POC1B: variants seen among roughly 807,000 people sequenced by gnomAD.
POC1B encodes the protein POC1 centriolar protein homolog B.
A neutral mutation model predicts 60.6 loss-of-function variants in POC1B; 44 were observed. That is an observed-to-expected ratio of 0.73 (90% CI 0.57 to 0.93). POC1B has a LOEUF of 0.93. POC1B is among the 40% of genes least tolerant of loss of function. The pLI is 0.00. For synonymous variants in POC1B, 180 were observed against 198.9 expected, an observed-to-expected ratio of 0.90 and a Z score of 0.80; for missense variants, 555 against 572.3, an observed-to-expected ratio of 0.97 and a Z score of 0.31.
At chr12:89,511,375 C>T (rs1349447717) in intron 2 of POC1B, among the ~76,000 whole-genome samples, 1 of 149,994 alleles carries the variant, frequency 6.7e-6, no homozygotes, top group Non-Finnish European at 1.5e-5. Context: ...GAGATGGTGC[C>T]ACTGCACTCC....
At chr12:89,497,384 G>A (rs1476197292) in intron 2 of POC1B, 42 bp from the exon 3 acceptor site, 4 of 1,553,728 alleles carry the variant, frequency 2.6e-6, no homozygotes, top group Non-Finnish European at 3.5e-6. Context: ...TTGTTAAAAT[G>A]CAAACATAGG....
At chr12:89,432,293 G>A (rs1445593026) in intron 10 of POC1B, among the ~76,000 whole-genome samples, 1 of 148,766 alleles carries the variant, frequency 6.7e-6, no homozygotes, top group Non-Finnish European at 1.5e-5. Context: ...GGCTGAGGCA[G>A]GACAATCACT....
At chr12:89,524,665 G>C in intron 2 of POC1B, 3 of 1,108,088 alleles carry the variant, frequency 2.7e-6, no homozygotes, top group Non-Finnish European at 3.9e-6. Flanking sequence ...CTTTCATGCA[G>C]GCGCTAGGCT....
At chr12:89,497,472 C>A in intron 2 of POC1B, 130 bp from the exon 3 acceptor site, 2 of 863,942 alleles carry the variant, frequency 2.3e-6, no homozygotes, top group Non-Finnish European at 1.7e-6. Context: ...GTAAGGCTGC[C>A]CAGGTAATAG....
At chr12:89,430,331 T>C (rs572687782) in intron 10 of POC1B, among the ~76,000 whole-genome samples, 26 of 152,342 alleles carry the variant, frequency 1.7e-4, no homozygotes, top group African/African-American at 4.8e-4. Context: ...TTAATTCTAA[T>C]GCATACATCT....
At chr12:89,470,827 A>G (rs1882861526) in intron 6 of POC1B, among the ~76,000 whole-genome samples, 1 of 152,246 alleles carries the variant, frequency 6.6e-6, no homozygotes, top group African/African-American at 2.4e-5. Context: ...ATTAAAGGTA[A>G]TAACTAATTA....
chr12:89,522,752 C>T, intron 2 of POC1B: 1 of 1,516,830 alleles, frequency 6.6e-7, no homozygotes, highest in Non-Finnish European at 8.8e-7. Flanking sequence ...CACTGAGGCT[C>T]TTAAGGCTCT....
At chr12:89,525,014 A>G (rs1871308228) in intron 2 of POC1B, 106 bp downstream of exon 2, 1 of 1,510,932 alleles carries the variant, frequency 6.6e-7, no homozygotes, top group Non-Finnish European at 9.0e-7. Context: ...CAACCCTCAT[A>G]CAGGCCCTTA....
intron 4 of POC1B, among the ~76,000 whole-genome samples, chr12:89,477,148 A>T (rs1883154995): frequency 6.6e-6 from 1 of 152,212 alleles, no homozygotes; most frequent in Non-Finnish European, 1.5e-5. Context: ...ACAGACTCTA[A>T]AAATTTGGCA....
chr12:89,466,141 T>C (rs530360860), intron 9 of POC1B, among the ~76,000 whole-genome samples: 1 of 152,290 alleles, frequency 6.6e-6, no homozygotes, highest in Non-Finnish European at 1.5e-5. Flanking sequence ...AGAAGAATAA[T>C]GCAAAATAAG....
At chr12:89,516,861 G>A (rs1423731147) in intron 2 of POC1B, among the ~76,000 whole-genome samples, 2 of 152,066 alleles carry the variant, frequency 1.3e-5, no homozygotes, top group Non-Finnish European at 2.9e-5. Context: ...CTGGCTTCAC[G>A]TGGCCTCCTC....
chr12:89,507,266 CAAAAAAAA>C (rs34750133), intron 2 of POC1B, among the ~76,000 whole-genome samples: 5 of 64,054 alleles, frequency 7.8e-5, no homozygotes, highest in African/African-American at 2.9e-4. Flanking sequence ...GGCCCTGTCT[CAAAAAAAA>C]AAAAAAAAAA....
At chr12:89,523,430 T>C (rs1166741714) in intron 2 of POC1B, 2 of 1,614,060 alleles carry the variant, frequency 1.2e-6, no homozygotes, top group South Asian at 1.1e-5. Context: ...TGTAGGAAAT[T>C]GGGGCGAGCA....
At chr12:89,428,036 G>A (rs1404648889) in intron 10 of POC1B, 1 of 152,176 alleles carries the variant, frequency 6.6e-6, no homozygotes, top group African/African-American at 2.4e-5. Context: ...GTAGAGGTGA[G>A]TATGGAAATA....
In POC1B at chr12:89,514,078, A is replaced by C. The variant is rs528973303; in HGVS notation, c.100+11042T>G. Among the ~76,000 whole-genome samples the C allele has an allele frequency of 4.6e-5, 7 of 152,250 alleles. No homozygotes were observed. The South Asian group carries it at 1.2e-3, about 27-fold the overall frequency. ...TAATATGGTTTGGACTTATGACCCC[A>C]CCCAAATCTCATGTTGAATTGTAAT... On this transcript the variant is annotated intron_variant, in intron 2 of 11. Coordinates refer to ENST00000313546, the MANE Select transcript of POC1B (RefSeq NM_172240.3).
chr12:89,433,191 A>G (rs927854737), intron 10 of POC1B, among the ~76,000 whole-genome samples: 2 of 152,226 alleles, frequency 1.3e-5, no homozygotes, highest in African/African-American at 4.8e-5. Context: ...CTTTTGCTAT[A>G]AATGGGAGAA....
intron 9 of POC1B, among the ~76,000 whole-genome samples, chr12:89,463,601 A>T (rs1382907583): frequency 2.0e-5 from 3 of 152,202 alleles, no homozygotes; most frequent in Non-Finnish European, 4.4e-5. Context: ...TTCCCATCAA[A>T]AAAAAGAGAG....
chr12:89,522,831 A>G, intron 2 of POC1B: 2 of 1,585,038 alleles, frequency 1.3e-6, no homozygotes, highest in African/African-American at 2.7e-5. Context: ...CAAAACTCCA[A>G]ATTTGATTTT....
chr12:89,525,744 G>A (rs1592658290), intron 1 of POC1B, 137 bp downstream of exon 1: 2 of 1,306,660 alleles, frequency 1.5e-6, no homozygotes, highest in African/African-American at 1.5e-5. Context: ...CGGACGCCCC[G>A]GGACGAGGGG....
Sources: allele counts gnomAD v4.1 joint callset (sites outside exome capture counted in the v4.1 genomes callset), GRCh38; gene constraint gnomAD v4.1.1; transcripts MANE v1.5; gene names NCBI Gene and HGNC (gene_info 2026-07-23, HGNC 2026-07-21).